Variants in UBASH3A observed in about 807,000 individuals in gnomAD.
The protein encoded by UBASH3A is ubiquitin associated and SH3 domain containing A.
In UBASH3A, 63 loss-of-function variants were observed where a neutral mutation model predicts 73.5. That is an observed-to-expected ratio of 0.86 (90% confidence interval 0.70 to 1.06). UBASH3A has a LOEUF of 1.06. Ranked by LOEUF, UBASH3A falls within the 50% of genes least tolerant of loss-of-function variation. UBASH3A has a pLI of 0.00. For synonymous variants in UBASH3A, 363 were observed against 351.1 expected (o/e 1.03, Z -0.38); for missense variants, 860 against 859.0 (o/e 1.00, Z -0.02).
intron 7 of UBASH3A, among the ~76,000 whole-genome samples, chr21:42,424,248 A>T (rs914209421): frequency 1.3e-5 from 2 of 152,072 alleles, no homozygotes; most frequent in African/African-American, 4.8e-5. Flanking sequence ...GCGCACCAGG[A>T]GGAATCCCCC....
At chr21:42,443,113 TA>T in intron 12 of UBASH3A, 198 bp from the exon 13 acceptor site, 1 of 1,371,738 alleles carries the variant, frequency 7.3e-7, no homozygotes. Flanking sequence ...TGGTGTTGAG[TA>T]AGAATGTGTG....
chr21:42,416,895 T>C lies in UBASH3A; in HGVS notation c.837+284T>C, dbSNP rs550697916. On this transcript the variant is annotated intron_variant, in intron 6 of 14. Transcript: ENST00000319294. ...TTGCAGCGAGTGGAGGTAGCATCAC[T>C]GCACTCCAGCCTGGGCTACAGAGCG... is the stretch of plus-strand genomic sequence containing the variant. Among the ~76,000 whole-genome samples, 228 of 152,134 alleles carry C rather than the reference T, an allele frequency of 1.5e-3. 1 individual carries two copies. The highest frequency in any genetic ancestry group is 2.2e-3 in the Admixed American group (34 of 15,298).
chr21:42,411,435 C>G (rs2053093527), intron 3 of UBASH3A, among the ~76,000 whole-genome samples: 2 of 151,820 alleles, frequency 1.3e-5, no homozygotes, highest in Non-Finnish European at 2.9e-5. Context: ...GACAAATGCA[C>G]ACATACAGAC....
At chr21:42,419,173 G>A (rs1354564912) in intron 7 of UBASH3A, among the ~76,000 whole-genome samples, 2 of 152,154 alleles carry the variant, frequency 1.3e-5, no homozygotes, top group Non-Finnish European at 1.5e-5. Context: ...GTTGTTGGTG[G>A]GAGTGATTTC....
intron 11 of UBASH3A, among the ~76,000 whole-genome samples, chr21:42,442,227 G>A (rs1009958852): frequency 6.6e-6 from 1 of 152,140 alleles, no homozygotes; most frequent in East Asian, 1.9e-4. Context: ...GCACACAGGG[G>A]GCCATCACTC....
At chr21:42,426,627 C>A (rs1391008882) in intron 7 of UBASH3A, 70 bp from the exon 8 acceptor site, 21 of 1,575,906 alleles carry the variant, frequency 1.3e-5, no homozygotes, top group Admixed American at 1.7e-5. Context: ...CATACATGAC[C>A]AGATGCTGGG....
At chr21:42,442,294 C>A (rs966413047) in intron 11 of UBASH3A, among the ~76,000 whole-genome samples, 158 bp from the exon 12 acceptor site, 1 of 152,212 alleles carries the variant, frequency 6.6e-6, no homozygotes, top group African/African-American at 2.4e-5. Flanking sequence ...ACAGCTATGC[C>A]TAATCACAGA....
intron 10 of UBASH3A, among the ~76,000 whole-genome samples, chr21:42,436,140 A>T (rs2053624640): frequency 6.6e-6 from 1 of 151,036 alleles, no homozygotes; most frequent in Admixed American, 6.6e-5. Context: ...TATAGAGTTA[A>T]TTATAGAGTT....
intron 3 of UBASH3A, 97 bp downstream of exon 3, chr21:42,409,705 G>A (rs939249605): frequency 1.7e-6 from 2 of 1,143,968 alleles, no homozygotes; most frequent in African/African-American, 3.1e-5. Context: ...TTATTTAAAT[G>A]GGATAGTCCA....
Position 42,418,432 on chromosome 21 carries a change from A to G in UBASH3A, c.869A>G (p.Gln290Arg), listed in dbSNP as rs1305013031. Residue 290 changes from glutamine (Q) to arginine (R), a missense_variant, in exon 7 of 15, where the codon CAG (glutamine) becomes CGG (arginine). Coordinates refer to ENST00000319294, the MANE Select transcript of UBASH3A (RefSeq NM_018961.4). ...AGAGCCCTATTCCAGTACAAACCCC[A>G]GAACGTGGATGAGCTGACGCTAAGT... ...TLRALFQYKPQNVDELTLSPG... is the reference protein window; with the variant it reads ...TLRALFQYKPRNVDELTLSPG... 2.5e-5 allele frequency: 40 copies of G among 1,614,104 alleles called. No homozygotes were observed. The highest frequency in any genetic ancestry group is 3.2e-5 in the Non-Finnish European group (38 of 1,180,044).
chr21:42,403,970 T>C lies in UBASH3A; in HGVS notation c.25T>C (p.Tyr9His). 6.6e-7 allele frequency: 1 copy of C among 1,521,524 alleles called. No homozygotes were observed. Among genetic ancestry groups the C allele is most frequent in the Non-Finnish European group, 8.9e-7 (1 of 1,129,908 alleles). 94.3% of individuals were successfully genotyped at this position (1,521,524 alleles called of 1,614,324 possible). MAAGETQL[Y>H]AKVSNKLKSR... ...GATGGCAGCGGGGGAGACGCAGCTCTACGCCAAGGTCTCCAACAAGCTCAA... is the reference window on the plus strand; with the variant it reads ...GATGGCAGCGGGGGAGACGCAGCTCCACGCCAAGGTCTCCAACAAGCTCAA... The change falls in exon 1 of 15, where the codon TAC becomes CAC. Residue 9 changes from tyrosine (Y) to histidine (H), a missense_variant. Physicochemically the swap from Tyr to His is moderately conservative, Grantham distance 83 (BLOSUM62 2). Coordinates refer to ENST00000319294, the MANE Select transcript of UBASH3A (RefSeq NM_018961.4).
chr21:42,443,210 C>A, intron 12 of UBASH3A, 102 bp from the exon 13 acceptor site: 1 of 1,442,896 alleles, frequency 6.9e-7, no homozygotes. Flanking sequence ...TGAGGCAGAG[C>A]CATCCTGGAA....
At chr21:42,439,051 T>A (rs538282229) in intron 11 of UBASH3A, among the ~76,000 whole-genome samples, 166 of 152,094 alleles carry the variant, frequency 1.1e-3, no homozygotes, top group Non-Finnish European at 1.8e-3. Context: ...TGTCCTCAGA[T>A]CCCCTTCGCC....
chr21:42,408,339 T>C (rs2053020416), intron 2 of UBASH3A, among the ~76,000 whole-genome samples: 1 of 152,262 alleles, frequency 6.6e-6, no homozygotes, highest in Non-Finnish European at 1.5e-5. Flanking sequence ...CTATCAGTTA[T>C]GGAGTTTTTC....
intron 7 of UBASH3A, among the ~76,000 whole-genome samples, chr21:42,424,126 A>G (rs1169075107): frequency 6.6e-6 from 1 of 152,144 alleles, no homozygotes; most frequent in African/African-American, 2.4e-5. Flanking sequence ...ACTGACAGAT[A>G]GCTGTGCAGA....
rs201426600 is a variant in UBASH3A, at chr21:42,437,601, G to C, written c.1486+21G>C. The C allele has an allele frequency of 1.3e-4, 208 of 1,606,430 alleles. 2 individuals carry two copies. In the East Asian group the frequency reaches 4.6e-3, roughly 35 times the overall value. ...GGAAGGTCAGTGAGAACCTCGGTGA[G>C]CCTCTCCTACTGCCTTGACCTTGGG... is the stretch of plus-strand genomic sequence containing the variant. On this transcript the variant is annotated intron_variant, in intron 11 of 14. Transcript: ENST00000319294.
rs1255734160 is a variant in UBASH3A, at chr21:42,406,319, TG to T, written c.127del (p.Ala43GlnfsTer24). ...CTGCTCTTCTGCAGGCTGAAAGCGT[TG>T]GCAGCCACGGGGAGGAAGACGGCGG... ...GFPVHTALKA[L>X]AATGRKTAEE... On this transcript the variant is annotated frameshift_variant, in exon 2 of 15. Transcript: ENST00000319294. LOFTEE classifies it high-confidence loss of function. The T allele has an allele frequency of 6.2e-7, 1 of 1,613,964 alleles. No homozygotes were observed. The highest frequency in any genetic ancestry group is 2.2e-5 in the East Asian group (1 of 44,892).
At chr21:42,434,271 G>A (rs1963231150) in intron 9 of UBASH3A, among the ~76,000 whole-genome samples, 1 of 152,204 alleles carries the variant, frequency 6.6e-6, no homozygotes, top group African/African-American at 2.4e-5. Context: ...CAGACTGTCA[G>A]ATCTTAGAAC....
At chr21:42,422,465 A>T (rs982205442) in intron 7 of UBASH3A, among the ~76,000 whole-genome samples, 1 of 152,176 alleles carries the variant, frequency 6.6e-6, no homozygotes, top group Non-Finnish European at 1.5e-5. Flanking sequence ...TAGTTGATGA[A>T]ACTGAGACAC....
Sources: gnomAD v4.1 joint callset for allele counts (sites outside exome capture counted in the v4.1 genomes callset) on GRCh38, gnomAD v4.1.1 for gene constraint, MANE v1.5 for transcripts, NCBI Gene and HGNC (gene_info 2026-07-23, HGNC 2026-07-21) for gene names.